Variants in APMAP observed in about 807,000 individuals in gnomAD.
APMAP encodes adipocyte plasma membrane-associated protein.
Under a neutral mutation model 43.6 loss-of-function variants are expected in APMAP, and 33 were observed. That is an observed-to-expected ratio of 0.76 (90% CI 0.57 to 1.01). APMAP has a LOEUF of 1.01. Among genes scored for constraint, APMAP ranks in the 50% least tolerant of loss-of-function variants. The pLI is 0.00. For missense variants in APMAP, 498 were observed against 540.7 expected (o/e 0.92, Z 0.78); for synonymous variants, 224 against 216.7 (o/e 1.03, Z -0.30).
intron 1 of APMAP, among the ~76,000 whole-genome samples, chr20:24,991,885 G>A (rs2088195215): frequency 6.6e-6 from 1 of 152,194 alleles, no homozygotes; most frequent in South Asian, 2.1e-4. Context: ...TGGGAGAGGA[G>A]GCAAAGGGCA....
intron 4 of APMAP, 52 bp downstream of exon 4, chr20:24,973,593 C>T: frequency 1.3e-6 from 2 of 1,550,008 alleles, no homozygotes; most frequent in Admixed American, 1.7e-5. Flanking sequence ...AACGATCCAA[C>T]ATCTTTCTGA....
chr20:24,978,738 G>GCCCCCCCCC, intron 3 of APMAP, 29 bp downstream of exon 3: 5 of 1,309,730 alleles, frequency 3.8e-6, no homozygotes, highest in Non-Finnish European at 5.4e-6. Flanking sequence ...AGCCTGGAAG[G>GCCCCCCCCC]CTCCCCCCCC....
rs753065854 is a variant in APMAP, at chr20:24,992,646, G to A, written c.43C>T (p.Pro15Ser). Residue 15 changes from proline (P) to serine (S), a missense_variant, in exon 1 of 9, where the codon CCG becomes TCG. Physicochemically the swap from Pro to Ser is moderately conservative, Grantham distance 74 (BLOSUM62 -1). Transcript: ENST00000217456. ...DGLRQRRPLR[P>S]QVVTDDDGQA... ...CCATCATCGTCTGTGACGACCTGCG[G>A]CCGCAGGGGCCGGCGCTGTCGCAGC... 1.3e-6 allele frequency: 2 copies of A among 1,563,522 alleles called. No individual in the cohort carries two copies. The highest frequency in any genetic ancestry group is 1.7e-6 in the Non-Finnish European group (2 of 1,156,614).
chr20:24,984,156 G>T, intron 1 of APMAP, 137 bp from the exon 2 acceptor site: 1 of 626,340 alleles, frequency 1.6e-6, no homozygotes, highest in Non-Finnish European at 2.8e-6. Flanking sequence ...CCTCTGGCTT[G>T]TGATTAAACT....
chr20:24,964,945 G>C (rs6138435), intron 8 of APMAP, among the ~76,000 whole-genome samples: 74,812 of 151,970 alleles, frequency 0.49, 19,648 homozygotes, highest in East Asian at 0.92. Flanking sequence ...CCACTACCTA[G>C]GAAATGCCAT....
At position 24,972,198 on chromosome 20, in the gene APMAP, CTG is replaced by C. The variant is rs1485056098; in HGVS notation, c.422-624_422-623del. 1.5e-4 allele frequency among the ~76,000 whole-genome samples: 21 copies of C among 138,678 alleles called. No homozygotes were observed. In the East Asian group the frequency reaches 4.2e-3, roughly 27 times the overall value. 91.0% of individuals were successfully genotyped at this position (138,678 alleles called of 152,430 possible). ...GCAGGTGCTTATTGCAGGGTGTTCACTGTGAGGTACTCACTGCAGGTGCTTAC... is the reference window on the plus strand; with the variant it reads ...GCAGGTGCTTATTGCAGGGTGTTCACTGAGGTACTCACTGCAGGTGCTTAC... On this transcript the variant is annotated intron_variant, in intron 4 of 8. Coordinates refer to ENST00000217456, the MANE Select transcript of APMAP (RefSeq NM_020531.3).
At position 24,963,950 on chromosome 20, in the gene APMAP, C is replaced by G. The variant is rs1160061369; in HGVS notation, c.1114G>C (p.Ala372Pro). ...GGATCATGCAGGCTTCTCCGGAAGG[C>G]ACCGCTGTCGCTGAGTTCTAGGACG... ...SLVLELSDSGAFRRSLHDPDG... is the reference protein window; with the variant it reads ...SLVLELSDSGPFRRSLHDPDG... Residue 372 changes from alanine (A) to proline (P), a missense_variant, in exon 9 of 9, where the codon GCC becomes CCC. Coordinates refer to ENST00000217456, the MANE Select transcript of APMAP (RefSeq NM_020531.3). The G allele has an allele frequency of 6.2e-7, 1 of 1,614,120 alleles. No individual in the cohort carries two copies. Among genetic ancestry groups the G allele is most frequent in the Non-Finnish European group, 8.5e-7 (1 of 1,180,048 alleles).
chr20:24,970,256 G>A lies in APMAP; in HGVS notation c.654C>T (p.Ser218=). The A allele has an allele frequency of 6.2e-7, 1 of 1,614,094 alleles. No individual in the cohort carries two copies. Among genetic ancestry groups the A allele is most frequent in the Non-Finnish European group, 8.5e-7 (1 of 1,180,036 alleles). Residue 218 remains serine, a synonymous_variant, in exon 6 of 9, where the codon AGC becomes AGT. Transcript: ENST00000217456. ...DGRKIYFTDS[S]SKWQRRDYLL... is the part of the protein sequence containing the mutation. Reference sequence around the variant, plus strand: ...GGTAGTCTCGTCTTTGCCATTTGCTGCTAGAATCGGTGAAATAAATCTTCC... The same window carrying A: ...GGTAGTCTCGTCTTTGCCATTTGCTACTAGAATCGGTGAAATAAATCTTCC...
At chr20:24,990,717 A>G (rs1272202272) in intron 1 of APMAP, among the ~76,000 whole-genome samples, 1 of 152,246 alleles carries the variant, frequency 6.6e-6, no homozygotes, top group Non-Finnish European at 1.5e-5. Flanking sequence ...ATACTATTAC[A>G]TGAACTACTA....
intron 3 of APMAP, 29 bp downstream of exon 3, chr20:24,978,738 G>GGCC: frequency 7.6e-7 from 1 of 1,309,728 alleles, no homozygotes; most frequent in Non-Finnish European, 1.1e-6. Context: ...AGCCTGGAAG[G>GGCC]CTCCCCCCCC....
Position 24,963,760 on chromosome 20 carries a change from GC to G in APMAP, c.*52del, listed in dbSNP as rs1244800411. 14 of 1,561,686 alleles carry G rather than the reference GC, an allele frequency of 9.0e-6. No homozygotes were observed. The highest frequency in any genetic ancestry group is 1.2e-5 in the Non-Finnish European group (14 of 1,136,490). On this transcript the variant is annotated 3_prime_UTR_variant, in exon 9 of 9. Transcript: ENST00000217456. ...CAGCTCCTCCTGGACCAGGCCTGGT[GC>G]CTGAGTGTGAAGACTCCTGGCCTGC...
intron 8 of APMAP, among the ~76,000 whole-genome samples, chr20:24,966,216 A>C (rs2122479606): frequency 6.6e-6 from 1 of 152,346 alleles, no homozygotes; most frequent in South Asian, 2.1e-4. Flanking sequence ...AGACAAGAGG[A>C]CATGCCCAAA....
At chr20:24,964,163 G>C in intron 8 of APMAP, 141 bp from the exon 9 acceptor site, 1 of 908,354 alleles carries the variant, frequency 1.1e-6, no homozygotes. Context: ...TGCCCCACAG[G>C]ACAGCTAATC....
Position 24,963,662 on chromosome 20 carries a change from A to C in APMAP, c.*151T>G. The C allele has an allele frequency of 1.2e-6, 1 of 805,810 alleles. No individual in the cohort carries two copies. Among genetic ancestry groups the C allele is most frequent in the Non-Finnish European group, 2.0e-6 (1 of 502,716 alleles). The allele number at this position is 805,810 out of a possible 1,614,324, so 49.9% of individuals were successfully genotyped here. On this transcript the variant is annotated 3_prime_UTR_variant, in exon 9 of 9. Transcript: ENST00000217456. ...GGTGGGGCCCGGGCATCCTCGAGGA[A>C]TGAAGCAGCCATTCCCACCACCTCT...
At chr20:24,970,560 T>C (rs2087989996) in intron 5 of APMAP, among the ~76,000 whole-genome samples, 189 bp from the exon 6 acceptor site, 1 of 152,224 alleles carries the variant, frequency 6.6e-6, no homozygotes, top group East Asian at 1.9e-4. Flanking sequence ...ACTAATTTCA[T>C]TAAAGGCAGA....
intron 1 of APMAP, 57 bp downstream of exon 1, chr20:24,992,537 G>A: frequency 1.4e-6 from 2 of 1,388,670 alleles, no homozygotes; most frequent in Non-Finnish European, 9.6e-7. Flanking sequence ...GTCCAAGAGG[G>A]TCGCCCTCCA....
Position 24,971,492 on chromosome 20 carries a change from T to C in APMAP, c.506A>G (p.Tyr169Cys), listed in dbSNP as rs769928855. Residue 169 changes from tyrosine (Y) to cysteine (C), a missense_variant, in exon 5 of 9, where the codon TAC becomes TGC. By Grantham distance (194) the Tyr-to-Cys change is radical. Transcript: ENST00000217456. ...PNGTLFVADAYKGLFEVNPWK... is the reference protein window; with the variant it reads ...PNGTLFVADACKGLFEVNPWK... ...GGGATTTACTTCAAATAGTCCCTTG[T>C]ATGCATCGGCCACAAAGAGAGTCCC... The C allele has an allele frequency of 3.1e-6, 5 of 1,614,106 alleles. No individual in the cohort carries two copies. In the African/African-American group the frequency reaches 5.3e-5, roughly 17 times the overall value.
chr20:24,978,680 G>A (rs917196403), intron 3 of APMAP, 87 bp downstream of exon 3: 31 of 1,065,432 alleles, frequency 2.9e-5, no homozygotes, highest in Middle Eastern at 3.1e-4. Flanking sequence ...CAGGGGCAGC[G>A]TGCCACTGCA....
chr20:24,976,098 C>G (rs1042921199), intron 3 of APMAP, among the ~76,000 whole-genome samples: 1 of 152,054 alleles, frequency 6.6e-6, no homozygotes, highest in Non-Finnish European at 1.5e-5. Flanking sequence ...AGGAGAAAAT[C>G]TAGGTATGAT....
Sources: gnomAD v4.1 joint callset for allele counts (sites outside exome capture counted in the v4.1 genomes callset) on GRCh38, gnomAD v4.1.1 for gene constraint, MANE v1.5 for transcripts, NCBI Gene and HGNC (gene_info 2026-07-23, HGNC 2026-07-21) for gene names.